PCDHA5: variants seen among roughly 807,000 people sequenced by gnomAD.
The protein encoded by PCDHA5 is protocadherin alpha 5.
PCDHA5 carries 43 observed loss-of-function variants against 61.6 expected under a neutral mutation model. The observed-to-expected ratio is 0.70, with a 90% CI of 0.55 to 0.90. The LOEUF (loss-of-function observed/expected upper bound fraction) is 0.90. Among genes scored for constraint, PCDHA5 ranks in the 40% least tolerant of loss-of-function variants. The pLI, the probability that PCDHA5 is intolerant of heterozygous loss-of-function variation, is 0.00. For synonymous variants in PCDHA5, 627 were observed against 543.9 expected (o/e 1.15, Z -2.13); for missense variants, 1,298 against 1,222.7 (o/e 1.06, Z -0.92).
At position 140,822,338 on chromosome 5, in the gene PCDHA5, C is replaced by T. The variant is rs1440067593; in HGVS notation, c.563C>T (p.Thr188Met). 1.9e-6 allele frequency: 3 copies of T among 1,613,934 alleles called. No homozygotes were observed. The highest frequency in any genetic ancestry group is 1.3e-5 in the African/African-American group (1 of 74,908). The change falls in exon 1 of 4, where the codon ACG becomes ATG. Residue 188 changes from threonine to methionine, a missense_variant. Physicochemically the swap from Thr to Met is moderately conservative, Grantham distance 81. Coordinates refer to ENST00000529859, the MANE Select transcript of PCDHA5 (RefSeq NM_018908.3). ...GATGTTAAAACAAATGAAGAAGAAACGAACTTTTTAGAGCTGGTTTTGAGG... is the reference window on the plus strand; with the variant it reads ...GATGTTAAAACAAATGAAGAAGAAATGAACTTTTTAGAGCTGGTTTTGAGG... ...DLDVKTNEEE[T>M]NFLELVLRKS... is the part of the protein sequence containing the mutation.
chr5:140,850,161 C>G, intron 1 of PCDHA5: 1 of 1,594,998 alleles, frequency 6.3e-7, no homozygotes, highest in Non-Finnish European at 8.6e-7. Context: ...GGTGTTCGTG[C>G]TGGACGAGAA....
chr5:140,927,451 T>C (rs782170767), intron 1 of PCDHA5: 4 of 1,614,082 alleles, frequency 2.5e-6, no homozygotes, highest in South Asian at 1.1e-5. Context: ...GGAGTTGGTG[T>C]TGGAGAAAGC....
intron 1 of PCDHA5, chr5:140,870,564 G>T (rs782511789): frequency 1.2e-6 from 2 of 1,613,884 alleles, no homozygotes; most frequent in Non-Finnish European, 1.7e-6. Context: ...AGGAGAACGC[G>T]CTGGTGTCCT....
rs1563186680 is a variant in PCDHA5 at position 140,941,223 on chromosome 5, C to CTTTCTT, written c.2353-37724_2353-37719dup. Among the ~76,000 whole-genome samples the CTTTCTT allele has an allele frequency of 6.9e-4, 92 of 132,548 alleles. 1 individual carries two copies. The highest frequency in any genetic ancestry group is 2.7e-3 in the African/African-American group (88 of 33,182). The allele number at this position is 132,548 out of a possible 152,430, so 87.0% of individuals were successfully genotyped here. A position where few individuals can be genotyped will look rare whatever the true frequency, so the allele number is the denominator to read the frequency against. ...TCTTCCTTTCTTTCTTCCTTTCTTT[C>CTTTCTT]TTTCTTTCTTTCTTTCTTTCTTTCT... On this transcript the variant is annotated intron_variant, in intron 1 of 3. Coordinates refer to ENST00000529859, the MANE Select transcript of PCDHA5 (RefSeq NM_018908.3).
chr5:140,876,233 A>G, intron 1 of PCDHA5: 1 of 1,614,016 alleles, frequency 6.2e-7, no homozygotes, highest in Non-Finnish European at 8.5e-7. Context: ...TTGTCTGAAA[A>G]TGTCCAAAAC....
chr5:140,963,600 G>T (rs111244023), intron 1 of PCDHA5, among the ~76,000 whole-genome samples: 1 of 152,180 alleles, frequency 6.6e-6, no homozygotes, highest in Non-Finnish European at 1.5e-5. Context: ...AGTTCTAGAC[G>T]TAATTGGGAA....
chr5:140,995,685 T>C (rs951521178), intron 3 of PCDHA5, among the ~76,000 whole-genome samples: 8 of 152,186 alleles, frequency 5.3e-5, no homozygotes, highest in African/African-American at 1.9e-4. Flanking sequence ...TTTTTTTTAA[T>C]TGTTAAATAA....
At chr5:140,943,600 A>G (rs996134923) in intron 1 of PCDHA5, among the ~76,000 whole-genome samples, 1 of 152,198 alleles carries the variant, frequency 6.6e-6, no homozygotes, top group African/African-American at 2.4e-5. Context: ...AATTCTAAAT[A>G]TAGACTTTGA....
At chr5:140,882,648 A>C in intron 1 of PCDHA5, 1 of 1,614,216 alleles carries the variant, frequency 6.2e-7, no homozygotes, top group Non-Finnish European at 8.5e-7. Context: ...AGGGACATTA[A>C]CGACAACCCG....
intron 3 of PCDHA5, among the ~76,000 whole-genome samples, chr5:141,005,701 CAA>C (rs59860837): frequency 3.2e-3 from 25 of 7,784 alleles, no homozygotes; most frequent in African/African-American, 6.6e-3. Flanking sequence ...AACTCCGTCT[CAA>C]AAAAAAAAAA....
In PCDHA5 at chr5:140,966,984, G is replaced by A. The variant is rs1217682338; in HGVS notation, c.2353-11965G>A. 4.4e-6 allele frequency: 7 copies of A among 1,603,802 alleles called. No individual in the cohort carries two copies. In the Admixed American group the frequency reaches 5.0e-5, roughly 11 times the overall value. Reference sequence around the variant, plus strand: ...CTGGGGCTTGAGCTGCGGCGCTTGGGGCCGGGTTGCTTGCGCATCAACCAT... The same window carrying A: ...CTGGGGCTTGAGCTGCGGCGCTTGGAGCCGGGTTGCTTGCGCATCAACCAT... On this transcript the variant is annotated intron_variant, in intron 1 of 3. Transcript: ENST00000529859.
chr5:140,850,673 G>T (rs2150493281), intron 1 of PCDHA5: 2 of 1,598,494 alleles, frequency 1.3e-6, no homozygotes, highest in African/African-American at 2.7e-5. Context: ...GCTCGGCGAT[G>T]CCCACCGAGG....
At chr5:140,931,815 T>C (rs954167352) in intron 1 of PCDHA5, among the ~76,000 whole-genome samples, 47 of 152,114 alleles carry the variant, frequency 3.1e-4, no homozygotes, top group African/African-American at 8.4e-4. Flanking sequence ...TAGAAAAGAA[T>C]TCTTGTCATA....
intron 1 of PCDHA5, chr5:140,841,078 T>C: frequency 3.8e-6 from 2 of 527,688 alleles, no homozygotes; most frequent in Non-Finnish European, 6.6e-6. Flanking sequence ...AAATAGAAAG[T>C]GCATAGAAGA....
chr5:140,842,975 C>T (rs1554139598), intron 1 of PCDHA5: 3 of 1,594,992 alleles, frequency 1.9e-6, no homozygotes, highest in Non-Finnish European at 2.6e-6. Context: ...CGTGACGCTG[C>T]AGGTGTTCGT....
chr5:140,952,952 G>C (rs1477546132), intron 1 of PCDHA5, among the ~76,000 whole-genome samples: 1 of 151,924 alleles, frequency 6.6e-6, no homozygotes, highest in Non-Finnish European at 1.5e-5. Context: ...GAGAGAAGGG[G>C]GAAGTGATAC....
intron 1 of PCDHA5, chr5:140,869,814 C>A: frequency 2.5e-6 from 4 of 1,612,258 alleles, no homozygotes; most frequent in Non-Finnish European, 3.4e-6. Flanking sequence ...ATGTCAACGA[C>A]AATGATCCAG....
At chr5:140,867,507 C>A (rs190699676) in intron 1 of PCDHA5, 36 of 152,086 alleles carry the variant, frequency 2.4e-4, no homozygotes, top group African/African-American at 7.5e-4. Context: ...AGAACAAAAT[C>A]TCAAATTAAT....
chr5:140,853,604 G>C lies in PCDHA5; in HGVS notation c.2352+29477G>C, dbSNP rs557129583. On this transcript the variant is annotated intron_variant, in intron 1 of 3. Transcript: ENST00000529859. ...ATCTTAGACACTTTGAGAGCAAAGG[G>C]GGTGCTGTAAATAAGTATACAAGAT... The C allele has an allele frequency of 2.2e-5, 22 of 987,378 alleles. 2 individuals are homozygous for C. In the African/African-American group the frequency reaches 2.3e-4, roughly 10 times the overall value. 61.2% of individuals were successfully genotyped at this position (987,378 alleles called of 1,614,324 possible). A position where few individuals can be genotyped will look rare whatever the true frequency, so the allele number is the denominator to read the frequency against.
Sources: gnomAD v4.1 joint callset for allele counts (sites outside exome capture counted in the v4.1 genomes callset) on GRCh38, gnomAD v4.1.1 for gene constraint, MANE v1.5 for transcripts, NCBI Gene and HGNC (gene_info 2026-07-23, HGNC 2026-07-21) for gene names.